Variants in HPD observed in about 807,000 individuals in gnomAD.
HPD encodes 4-hydroxyphenylpyruvic acid oxidase.
HPD carries 35 observed loss-of-function variants against 56.9 expected under a neutral mutation model. That is an observed-to-expected ratio of 0.62 (90% CI 0.47 to 0.82). The LOEUF (loss-of-function observed/expected upper bound fraction) is 0.82, where lower values mean the gene tolerates loss of function less well. Ranked by LOEUF, HPD falls within the 40% of genes least tolerant of loss-of-function variation. HPD has a pLI of 0.00. For missense variants in HPD, 442 were observed against 506.8 expected (o/e 0.87, Z 1.23); for synonymous variants, 186 against 200.2 (o/e 0.93, Z 0.60).
the HPD span, among the ~76,000 whole-genome samples, chr12:121,871,556 G>C: frequency 8.6e-3 from 1,311 of 152,294 alleles, 51 homozygotes; most frequent in East Asian, 0.13. Flanking sequence ...GACCAGAGCA[G>C]GTGAAGGCTG....
rs763314993 is a variant in HPD, at chr12:121,847,070, C to T, written c.741G>A (p.Lys247=). 6.2e-7 allele frequency: 1 copy of T among 1,614,190 alleles called. No homozygotes were observed. Among genetic ancestry groups the T allele is most frequent in the Admixed American group, 1.7e-5 (1 of 60,012 alleles). The change falls in exon 10 of 14, where the codon AAG becomes AAA. Residue 247 remains lysine (K), a synonymous_variant. Coordinates refer to ENST00000289004, the MANE Select transcript of HPD (RefSeq NM_002150.3). ...KMPINEPAPG[K]KKSQIQEYVD... ...GCCTCACCTGGATCTGGGACTTCTT[C>T]TTGCCAGGCGCTGGCTCATTGATGG...
At chr12:121,879,812 A>G in the HPD span, among the ~76,000 whole-genome samples, 7 of 152,148 alleles carry the variant, frequency 4.6e-5, no homozygotes, top group African/African-American at 1.7e-4. Flanking sequence ...ATAAATACAC[A>G]TGTTCACCTG....
chr12:121,881,080 C>T, the HPD span, among the ~76,000 whole-genome samples: 16 of 152,326 alleles, frequency 1.1e-4, no homozygotes, highest in Non-Finnish European at 1.3e-4. Context: ...CGTGAGCCAA[C>T]GTGCACAACC....
the HPD span, among the ~76,000 whole-genome samples, chr12:121,884,841 T>G: frequency 1.3e-5 from 2 of 152,140 alleles, no homozygotes; most frequent in South Asian, 4.1e-4. Context: ...TCACCAATTA[T>G]TAACATTTTG....
chr12:121,854,214 C>G (rs1028034648), intron 7 of HPD, among the ~76,000 whole-genome samples: 1 of 152,094 alleles, frequency 6.6e-6, no homozygotes, highest in African/African-American at 2.4e-5. Flanking sequence ...CAAGATCACA[C>G]CACTACACTC....
chr12:121,857,714 G>T (rs753969717), intron 3 of HPD, 43 bp downstream of exon 3: 1 of 1,552,522 alleles, frequency 6.4e-7, no homozygotes, highest in Non-Finnish European at 8.9e-7. Flanking sequence ...GCAGCCCTCT[G>T]CCCTGCCGTC....
At chr12:121,849,319 T>C (rs1877686789) in intron 8 of HPD, among the ~76,000 whole-genome samples, 1 of 152,060 alleles carries the variant, frequency 6.6e-6, no homozygotes. Flanking sequence ...TATGAGCCAC[T>C]GCGCCTGGAC....
the HPD span, among the ~76,000 whole-genome samples, chr12:121,883,682 CTT>C: frequency 1.4e-4 from 19 of 138,712 alleles, no homozygotes; most frequent in Non-Finnish European, 1.5e-4. Context: ...TTCCTTCTTT[CTT>C]TTTTTTTTTT....
rs770728845 is a variant in HPD at position 121,843,788 on chromosome 12, G to C, written c.876C>G (p.Pro292=). 6.2e-7 allele frequency: 1 copy of C among 1,614,100 alleles called. No homozygotes were observed. The highest frequency in any genetic ancestry group is 8.5e-7 in the Non-Finnish European group (1 of 1,179,980). ...RERGLEFLSV[P]STYYKQLREK... ...CCCGCAGTTGTTTGTAGTACGTGGAGGGAACAGATAAGAACTCCAGGCCTC... is the reference window on the plus strand; with the variant it reads ...CCCGCAGTTGTTTGTAGTACGTGGACGGAACAGATAAGAACTCCAGGCCTC... The change falls in exon 12 of 14, where the codon CCC becomes CCG. Residue 292 remains proline, a synonymous_variant. Transcript: ENST00000289004.
At chr12:121,886,440 A>T in the HPD span, among the ~76,000 whole-genome samples, 1 of 112,020 alleles carries the variant, frequency 8.9e-6, no homozygotes, top group Admixed American at 1.1e-4. Context: ...TTTGAGACGG[A>T]GTCTTGCTCT....
At chr12:121,840,778 A>C (rs894294404) in intron 12 of HPD, among the ~76,000 whole-genome samples, 4 of 152,088 alleles carry the variant, frequency 2.6e-5, no homozygotes, top group Admixed American at 1.3e-4. Flanking sequence ...ACGGATTAAA[A>C]AAAAAAAAGG....
chr12:121,858,593 T>C, intron 2 of HPD, 94 bp downstream of exon 2: 1 of 1,254,620 alleles, frequency 8.0e-7, no homozygotes, highest in Non-Finnish European at 1.2e-6. Flanking sequence ...CTCCAGTCCT[T>C]CCTCTTCTGC....
At chr12:121,882,398 T>C in the HPD span, among the ~76,000 whole-genome samples, 4 of 152,132 alleles carry the variant, frequency 2.6e-5, no homozygotes, top group African/African-American at 4.8e-5. Context: ...ATGTGAAAGC[T>C]TGAGAGAGGC....
At chr12:121,862,986 CT>C (rs1282242055), upstream of HPD, among the ~76,000 whole-genome samples, 1 of 144,986 alleles carries the variant, frequency 6.9e-6, no homozygotes, top group Non-Finnish European at 1.5e-5. Flanking sequence ...GGCACCCCCC[CT>C]CCTTTTTTTT....
rs117079110 is a variant in HPD, at chr12:121,856,354, G to A, written c.294C>T (p.Phe98=). Residue 98 remains phenylalanine (F), a synonymous_variant, in exon 6 of 14, where the codon TTC becomes TTT. Transcript: ENST00000289004. ...CGATGTAGTCACAATCTTCCACCTC[G>A]AACGCAATGTCCTTCACTCCGTCAC... ...KHGDGVKDIA[F]EVEDCDYIVQ... is the part of the protein sequence containing the mutation. 7.2e-4 allele frequency: 1,170 copies of A among 1,614,054 alleles called. 3 individuals carry two copies. Among genetic ancestry groups the A allele is most frequent in the Admixed American group, 1.3e-3 (75 of 59,996 alleles).
At chr12:121,864,778 G>A (rs902305352), upstream of HPD, among the ~76,000 whole-genome samples, 7 of 151,448 alleles carry the variant, frequency 4.6e-5, no homozygotes, top group East Asian at 2.0e-4. Flanking sequence ...GAGTGAACCC[G>A]GGGCGCGGAG....
At chr12:121,887,146 C>T in the HPD span, among the ~76,000 whole-genome samples, 3 of 151,922 alleles carry the variant, frequency 2.0e-5, no homozygotes, top group African/African-American at 4.8e-5. Flanking sequence ...GTGATCCACC[C>T]ACCTCAGCCT....
intron 4 of HPD, chr12:121,856,883 G>A (rs1878021474): frequency 1.8e-6 from 1 of 565,680 alleles, no homozygotes. Flanking sequence ...GACCCCATCG[G>A]TCAGGGCACT....
At chr12:121,884,023 A>G in the HPD span, among the ~76,000 whole-genome samples, 1 of 152,100 alleles carries the variant, frequency 6.6e-6, no homozygotes, top group Non-Finnish European at 1.5e-5. Flanking sequence ...GACTGAGGAA[A>G]CTTAACACTG....
Sources: gnomAD v4.1 joint callset for allele counts (sites outside exome capture counted in the v4.1 genomes callset) on GRCh38, gnomAD v4.1.1 for gene constraint, MANE v1.5 for transcripts, NCBI Gene and HGNC (gene_info 2026-07-23, HGNC 2026-07-21) for gene names.